The following GC variants were observed in gnomAD, a reference collection of about 807,000 sequenced individuals.
GC encodes the protein GC vitamin D binding protein.
GC carries 43 observed loss-of-function variants against 56.7 expected under a neutral mutation model. The observed-to-expected ratio is 0.76, with a 90% CI of 0.59 to 0.98. The LOEUF is 0.98. Among genes scored for constraint, GC ranks in the 50% least tolerant of loss-of-function variants. GC has a pLI of 0.00. For synonymous variants in GC, 216 were observed against 202.7 expected (o/e 1.07, Z -0.56); for missense variants, 529 against 545.9 (o/e 0.97, Z 0.31).
intron 1 of GC, among the ~76,000 whole-genome samples, chr4:71,798,494 G>A (rs1743167767): frequency 6.6e-6 from 1 of 152,088 alleles, no homozygotes; most frequent in African/African-American, 2.4e-5. Context: ...TTCTATTGGT[G>A]CTTCAGTTAC....
At chr4:71,747,916 C>A (rs1317146181) in intron 11 of GC, among the ~76,000 whole-genome samples, 1 of 152,126 alleles carries the variant, frequency 6.6e-6, no homozygotes, top group Non-Finnish European at 1.5e-5. Context: ...TATTACCAAC[C>A]TGGTATCATT....
rs1226730628 is a variant in GC, at chr4:71,756,583, A to G, written c.1034+129T>C. 5 of 627,862 alleles carry G rather than the reference A, an allele frequency of 8.0e-6. No individual in the cohort carries two copies. The African/African-American group carries it at 9.3e-5, about 12-fold the overall frequency. The allele number at this position is 627,862 out of a possible 1,614,324, so 38.9% of individuals were successfully genotyped here. A position where few individuals can be genotyped will look rare whatever the true frequency, so the allele number is the denominator to read the frequency against. ...TAACAAATACTTAAAGTCCATGAAA[A>G]GCATAAAGGTAGTACTTTGCCTATG... On this transcript the variant is annotated intron_variant, in intron 8 of 12. Coordinates refer to ENST00000273951, the MANE Select transcript of GC (RefSeq NM_000583.4).
chr4:71,796,426 T>C (rs995160346), intron 1 of GC, among the ~76,000 whole-genome samples: 2 of 152,232 alleles, frequency 1.3e-5, no homozygotes, highest in Non-Finnish European at 2.9e-5. Flanking sequence ...CTTCAATCGC[T>C]GATATCCTTT....
chr4:71,782,968 C>T lies in GC; in HGVS notation c.58+993G>A, dbSNP rs189340959. Among the ~76,000 whole-genome samples, 546 of 151,398 alleles carry T rather than the reference C, an allele frequency of 3.6e-3. 4 individuals are homozygous for T. Among genetic ancestry groups the T allele is most frequent in the Admixed American group, 6.1e-3 (92 of 15,160 alleles). On this transcript the variant is annotated intron_variant, in intron 1 of 12. Transcript: ENST00000273951. ...CTTACTTAAGAATTGATGGGTAAGA[C>T]GAGTTAAAATAATTTGAATGATGAA...
intron 1 of GC, among the ~76,000 whole-genome samples, chr4:71,772,722 G>C (rs762410608): frequency 6.6e-6 from 1 of 152,052 alleles, no homozygotes; most frequent in Admixed American, 6.6e-5. Context: ...TCAGCCTTGG[G>C]CATAACAGGA....
chr4:71,768,475 GTT>G (rs375061055), intron 2 of GC, 42 bp from the exon 3 acceptor site: 26 of 1,278,014 alleles, frequency 2.0e-5, no homozygotes, highest in East Asian at 5.7e-5. Flanking sequence ...GAACTGAAAG[GTT>G]TTTTTTTTTG....
At chr4:71,803,458 AT>A (rs1301376069) in intron 1 of GC, among the ~76,000 whole-genome samples, 27 of 152,250 alleles carry the variant, frequency 1.8e-4, no homozygotes, top group African/African-American at 6.0e-4. Context: ...ATGATGATAA[AT>A]AACTTTACAA....
chr4:71,746,214 G>GA lies in GC; in HGVS notation c.1396-10dup. ...TTCAATTCAGCATCAATCTGATAAT[G>GA]AAAAAAGAATGTTATATAACTTATG... On this transcript the variant is annotated splice_polypyrimidine_tract_variant and intron_variant, in intron 11 of 12. Transcript: ENST00000273951. 2 of 1,235,726 alleles carry GA rather than the reference G, an allele frequency of 1.6e-6. No individual in the cohort carries two copies. The highest frequency in any genetic ancestry group is 2.4e-6 in the Non-Finnish European group (2 of 842,894). 76.5% of individuals were successfully genotyped at this position (1,235,726 alleles called of 1,614,324 possible). A position where few individuals can be genotyped will look rare whatever the true frequency, so the allele number is the denominator to read the frequency against.
intron 10 of GC, among the ~76,000 whole-genome samples, chr4:71,753,291 T>C (rs1443828708): frequency 6.6e-6 from 1 of 152,118 alleles, no homozygotes; most frequent in African/African-American, 2.4e-5. Context: ...CTTCAGGAAA[T>C]GCTTGCCAGC....
intron 7 of GC, among the ~76,000 whole-genome samples, 177 bp from the exon 8 acceptor site, chr4:71,757,091 C>T (rs2149297096): frequency 6.6e-6 from 1 of 152,118 alleles, no homozygotes; most frequent in Non-Finnish European, 1.5e-5. Context: ...TACTAAAAGT[C>T]TTAAAAATGT....
chr4:71,747,194 T>A (rs12644050), intron 11 of GC, among the ~76,000 whole-genome samples: 1 of 152,140 alleles, frequency 6.6e-6, no homozygotes, highest in Admixed American at 6.6e-5. Context: ...ATTTTGTCCA[T>A]GTTGATTTTC....
chr4:71,790,385 T>C (rs950855809), intron 1 of GC, among the ~76,000 whole-genome samples: 3 of 152,032 alleles, frequency 2.0e-5, no homozygotes, highest in African/African-American at 7.2e-5. Flanking sequence ...AGCTGTGCCT[T>C]TGGGTTTAAA....
chr4:71,756,904 T>C lies in GC; in HGVS notation c.842A>G (p.His281Arg), dbSNP rs756799477. The change falls in exon 8 of 13, where the codon CAC (histidine) becomes CGC (arginine). Residue 281 changes from histidine (H) to arginine (R), a missense_variant. Physicochemically the swap from His to Arg is conservative, Grantham distance 29. Coordinates refer to ENST00000273951, the MANE Select transcript of GC (RefSeq NM_000583.4). ...EDCMAKELPE[H>R]TVKLCDNLST... The stretch of plus-strand genomic sequence containing the variant: ...TAAATTGTCACAGAGTTTTACTGTG[T>C]GTTCAGGCAGCTACAAAACGAATGG... 6.7e-5 allele frequency: 108 copies of C among 1,609,658 alleles called. No homozygotes were observed. The highest frequency in any genetic ancestry group is 8.8e-5 in the Non-Finnish European group (104 of 1,176,054).
intron 10 of GC, 126 bp downstream of exon 10, chr4:71,754,285 A>G (rs1741646663): frequency 1.7e-6 from 1 of 601,710 alleles, no homozygotes; most frequent in Admixed American, 3.0e-5. Context: ...AAAAACTCCT[A>G]ATTGAACCTC....
Position 71,741,950 on chromosome 4 carries a change from A to T in GC, c.*26-80T>A, listed in dbSNP as rs1002461620. Reference sequence around the variant, plus strand: ...AACCATAATATTGCTCAACAGACGCATATAAACTCATGCTATTTTAATATT... The same window carrying T: ...AACCATAATATTGCTCAACAGACGCTTATAAACTCATGCTATTTTAATATT... On this transcript the variant is annotated intron_variant, in intron 12 of 12. Coordinates refer to ENST00000273951, the MANE Select transcript of GC (RefSeq NM_000583.4). The T allele has an allele frequency of 5.7e-6, 4 of 700,498 alleles. No homozygotes were observed. The African/African-American group carries it at 7.0e-5, about 12-fold the overall frequency. The allele number at this position is 700,498 out of a possible 1,614,324, so 43.4% of individuals were successfully genotyped here.
At chr4:71,772,668 G>A (rs1012105398) in intron 1 of GC, among the ~76,000 whole-genome samples, 2 of 152,136 alleles carry the variant, frequency 1.3e-5, no homozygotes, top group Non-Finnish European at 2.9e-5. Context: ...TAGATGGAAT[G>A]AATAAGGCTT....
chr4:71,748,287 A>C (rs568858698), intron 11 of GC, among the ~76,000 whole-genome samples: 1 of 152,170 alleles, frequency 6.6e-6, no homozygotes, highest in Non-Finnish European at 1.5e-5. Context: ...GAGATAAAAC[A>C]AACTACAGTG....
In GC at chr4:71,777,933, T is replaced by A. The variant is rs890008071; in HGVS notation, c.58+6028A>T. Among the ~76,000 whole-genome samples, 6 of 151,766 alleles carry A rather than the reference T, an allele frequency of 4.0e-5. 1 individual carries two copies. The highest frequency in any genetic ancestry group is 1.4e-4 in the African/African-American group (6 of 41,424). ...ATAGCATTAGGAGAAACACCTACTG[T>A]AGATGGTGGGTTGATGGGTGCAGCA... On this transcript the variant is annotated intron_variant, in intron 1 of 12. Coordinates refer to ENST00000273951, the MANE Select transcript of GC (RefSeq NM_000583.4).
intron 1 of GC, among the ~76,000 whole-genome samples, chr4:71,778,891 G>GT: frequency 7.0e-6 from 1 of 143,318 alleles, no homozygotes; most frequent in Admixed American, 7.0e-5. Context: ...ATTGCTGTCA[G>GT]TTATTATTAT....
Sources: gnomAD v4.1 joint callset for allele counts (sites outside exome capture counted in the v4.1 genomes callset) on GRCh38, gnomAD v4.1.1 for gene constraint, MANE v1.5 for transcripts, NCBI Gene and HGNC (gene_info 2026-07-23, HGNC 2026-07-21) for gene names.